The following AKR7A3 variants were observed in gnomAD, a reference collection of about 807,000 sequenced individuals.
AKR7A3 encodes AFB1 aldehyde reductase 2.
A neutral mutation model predicts 32.5 loss-of-function variants in AKR7A3; 37 were observed. That is an observed-to-expected ratio of 1.14 (90% CI 0.88 to 1.50). The LOEUF is 1.50. AKR7A3 is among the 40% of genes most tolerant of loss of function. AKR7A3 has a pLI of 0.00. For synonymous variants in AKR7A3, 177 were observed against 188.4 expected (o/e 0.94, Z 0.50); for missense variants, 412 against 453.2 (o/e 0.91, Z 0.83).
intron 1 of AKR7A3, 113 bp downstream of exon 1, chr1:19,288,383 G>T: frequency 1.5e-6 from 2 of 1,334,980 alleles, no homozygotes; most frequent in Non-Finnish European, 1.0e-6. Flanking sequence ...GGGGGCGGTG[G>T]GGGGGACAAA....
chr1:19,287,306 C>A (rs1411113961), intron 1 of AKR7A3, among the ~76,000 whole-genome samples: 11 of 132,694 alleles, frequency 8.3e-5, no homozygotes, highest in South Asian at 4.8e-4. Flanking sequence ...GACCCTGTCT[C>A]AAAAAAAAAA....
At chr1:19,274,809 G>C in the AKR7A3 span, among the ~76,000 whole-genome samples, 1 of 144,640 alleles carries the variant, frequency 6.9e-6, no homozygotes, top group African/African-American at 2.6e-5. Context: ...GAAGAAGATA[G>C]AAAAATGGAC....
intron 3 of AKR7A3, 37 bp from the exon 4 acceptor site, chr1:19,285,151 T>C: frequency 6.3e-7 from 1 of 1,599,726 alleles, no homozygotes; most frequent in Non-Finnish European, 8.6e-7. Flanking sequence ...AGGGTGGATG[T>C]GTCAAAAGAA....
chr1:19,286,139 G>A, intron 2 of AKR7A3, 46 bp downstream of exon 2: 1 of 1,604,146 alleles, frequency 6.2e-7, no homozygotes, highest in South Asian at 1.1e-5. Flanking sequence ...ATCAGGATAA[G>A]GAGAGCAGCA....
chr1:19,284,630 A>C, intron 5 of AKR7A3, 56 bp downstream of exon 5: 2 of 1,573,300 alleles, frequency 1.3e-6, no homozygotes, highest in South Asian at 1.1e-5. Context: ...CCAGGACTTC[A>C]TTCCACATAA....
chr1:19,276,160 A>C, the AKR7A3 span, among the ~76,000 whole-genome samples: 6 of 151,520 alleles, frequency 4.0e-5, no homozygotes, highest in African/African-American at 1.5e-4. Flanking sequence ...CAGGAGTTCA[A>C]GATCAGCCTG....
downstream of AKR7A3, among the ~76,000 whole-genome samples, chr1:19,278,433 C>A (rs183275377): frequency 6.6e-6 from 1 of 151,592 alleles, no homozygotes; most frequent in Non-Finnish European, 1.5e-5. Context: ...TGGTGGCACA[C>A]GCCTGTAGTC....
intron 3 of AKR7A3, 107 bp from the exon 4 acceptor site, chr1:19,285,221 T>A: frequency 2.8e-6 from 3 of 1,076,866 alleles, no homozygotes; most frequent in Middle Eastern, 2.0e-4. Flanking sequence ...TCTAGGACTT[T>A]AACCGTCTGG....
At chr1:19,288,462 A>C in intron 1 of AKR7A3, 34 bp downstream of exon 1, 2 of 1,604,764 alleles carry the variant, frequency 1.2e-6, no homozygotes, top group Non-Finnish European at 1.7e-6. Flanking sequence ...TCAGCTCTGC[A>C]CCGTGCAGGG....
chr1:19,283,783 A>G (rs1232540612), intron 6 of AKR7A3, among the ~76,000 whole-genome samples: 1 of 151,894 alleles, frequency 6.6e-6, no homozygotes, highest in Admixed American at 6.5e-5. Flanking sequence ...GTGACCCGAG[A>G]TCATGCCACT....
chr1:19,285,775 C>T, intron 3 of AKR7A3, 113 bp downstream of exon 3: 1 of 1,355,870 alleles, frequency 7.4e-7, no homozygotes, highest in South Asian at 1.2e-5. Context: ...TGCAGGCTTT[C>T]AGCAGGGGAG....
chr1:19,280,363 C>T (rs12121170), downstream of AKR7A3, among the ~76,000 whole-genome samples: 1 of 151,372 alleles, frequency 6.6e-6, no homozygotes, highest in African/African-American at 2.4e-5. Context: ...GGTGCCTCAG[C>T]CACCACAGTA....
Position 19,282,735 on chromosome 1 carries a change from C to T in AKR7A3, c.992G>A (p.Arg331His), listed in dbSNP as rs368739749. 2.4e-5 allele frequency: 38 copies of T among 1,613,712 alleles called. No homozygotes were observed. Among genetic ancestry groups the T allele is most frequent in the Middle Eastern group, 1.6e-4 (1 of 6,084 alleles). Reference sequence around the variant, plus strand: ...GCAGCCTGAGAAACGATGGGCCTAGCGGAAGTAGTTGGGACATTCGTGAGT... The same window carrying T: ...GCAGCCTGAGAAACGATGGGCCTAGTGGAAGTAGTTGGGACATTCGTGAGT... ...LVTHECPNYF[R>H] is the part of the protein sequence containing the mutation. Residue 331 changes from arginine (R) to histidine (H), a missense_variant, in exon 7 of 7, where the codon CGC becomes CAC. Transcript: ENST00000361640.
downstream of AKR7A3, among the ~76,000 whole-genome samples, chr1:19,280,439 T>C (rs2093716968): frequency 6.6e-6 from 1 of 151,858 alleles, no homozygotes; most frequent in South Asian, 2.1e-4. Context: ...TTTATACTTT[T>C]AGCCTATACA....
chr1:19,281,236 G>C (rs958668964), downstream of AKR7A3, among the ~76,000 whole-genome samples: 7 of 151,820 alleles, frequency 4.6e-5, no homozygotes, highest in Admixed American at 1.3e-4. Flanking sequence ...TCTGAAATCA[G>C]AAAGTGGGAG....
chr1:19,278,237 C>T (rs1398457454), downstream of AKR7A3, among the ~76,000 whole-genome samples: 1 of 151,690 alleles, frequency 6.6e-6, no homozygotes, highest in Non-Finnish European at 1.5e-5. Flanking sequence ...GAATGAACCA[C>T]CATGACCGGC....
intron 1 of AKR7A3, among the ~76,000 whole-genome samples, chr1:19,288,236 C>T (rs1246620695): frequency 4.6e-5 from 7 of 152,142 alleles, no homozygotes; most frequent in Non-Finnish European, 8.8e-5. Context: ...ACCAAGTCAT[C>T]CAGGCGTCAG....
At chr1:19,288,353 G>C (rs2093734625) in intron 1 of AKR7A3, 143 bp downstream of exon 1, 1 of 1,050,064 alleles carries the variant, frequency 9.5e-7, no homozygotes, top group Admixed American at 2.8e-5. Flanking sequence ...TGTTCCCAAG[G>C]CTGCGAGGTG....
At position 19,285,845 on chromosome 1, in the gene AKR7A3, C is replaced by T. The variant is rs190690762; in HGVS notation, c.507+43G>A. ...AGGGGCAAAGACAGCCCAGGATGAG[C>T]AGGAGTTCTGGAGACCTTGGCCTCT... On this transcript the variant is annotated intron_variant, in intron 3 of 6. Coordinates refer to ENST00000361640, the MANE Select transcript of AKR7A3 (RefSeq NM_012067.3). 6 of 1,611,454 alleles carry T rather than the reference C, an allele frequency of 3.7e-6. No homozygotes were observed. The East Asian group carries it at 8.9e-5, about 24-fold the overall frequency.
Sources: allele counts gnomAD v4.1 joint callset (sites outside exome capture counted in the v4.1 genomes callset), GRCh38; gene constraint gnomAD v4.1.1; transcripts MANE v1.5; gene names NCBI Gene and HGNC (gene_info 2026-07-23, HGNC 2026-07-21).